STK3: variants seen among roughly 807,000 people sequenced by gnomAD.
STK3 encodes serine/threonine-protein kinase 3.
STK3 carries 41 observed loss-of-function variants against 58.0 expected under a neutral mutation model. That is an observed-to-expected ratio of 0.71 (90% CI 0.55 to 0.92). The LOEUF is 0.92. Ranked by LOEUF, STK3 falls within the 40% of genes least tolerant of loss-of-function variation. The pLI, the probability that STK3 is intolerant of heterozygous loss-of-function variation, is 0.00. For synonymous variants in STK3, 170 were observed against 191.0 expected (o/e 0.89, Z 0.91); for missense variants, 479 against 602.7 (o/e 0.79, Z 2.15).
intron 7 of STK3, among the ~76,000 whole-genome samples, chr8:98,587,978 T>G (rs189053132): frequency 4.7e-4 from 72 of 152,276 alleles, no homozygotes; most frequent in African/African-American, 1.6e-3. Flanking sequence ...CTTGTATTTT[T>G]AGCCTATGTG....
At chr8:98,644,209 G>T (rs1820232182) in intron 6 of STK3, among the ~76,000 whole-genome samples, 2 of 151,988 alleles carry the variant, frequency 1.3e-5, no homozygotes, top group South Asian at 4.2e-4. Context: ...CCTTACTCTG[G>T]CCAAAAATCT....
chr8:98,352,136 C>CAAAA, the STK3 span, among the ~76,000 whole-genome samples: 4 of 110,428 alleles, frequency 3.6e-5, no homozygotes, highest in Non-Finnish European at 5.4e-5. Context: ...GACTCTGTCT[C>CAAAA]AAAAAAAAAA....
chr8:98,548,744 C>A (rs1353431654), intron 8 of STK3, among the ~76,000 whole-genome samples: 1 of 152,064 alleles, frequency 6.6e-6, no homozygotes, highest in African/African-American at 2.4e-5. Context: ...GCCCTGGCAA[C>A]CTCTATTGTA....
At chr8:98,464,876 T>G (rs910034165) in intron 10 of STK3, among the ~76,000 whole-genome samples, 7 of 152,160 alleles carry the variant, frequency 4.6e-5, no homozygotes. Context: ...CAGACATTAT[T>G]TATCCTGTTC....
At chr8:98,847,304 C>T (rs75361023) in intron 3 of STK3, among the ~76,000 whole-genome samples, 4,740 of 152,282 alleles carry the variant, frequency 0.031, 99 homozygotes, top group Middle Eastern at 0.068. Context: ...CCAGTGGCCA[C>T]CATTCTATAG....
At chr8:98,513,513 G>A (rs976356997) in intron 10 of STK3, among the ~76,000 whole-genome samples, 1 of 152,172 alleles carries the variant, frequency 6.6e-6, no homozygotes, top group Non-Finnish European at 1.5e-5. Flanking sequence ...AATTTAGCCT[G>A]CTGAAGTGTT....
At chr8:98,619,185 G>A (rs1818035646) in intron 6 of STK3, among the ~76,000 whole-genome samples, 1 of 150,392 alleles carries the variant, frequency 6.6e-6, no homozygotes, top group Admixed American at 6.6e-5. Context: ...TCTGATCTTT[G>A]ACAAACCTGA....
At chr8:98,625,699 CAG>C (rs551504377) in intron 6 of STK3, among the ~76,000 whole-genome samples, 73 of 152,264 alleles carry the variant, frequency 4.8e-4, no homozygotes, top group Non-Finnish European at 8.5e-4. Context: ...GGCAAAATTT[CAG>C]GCAGAATGGA....
chr8:98,901,154 A>G (rs1838642405), intron 1 of STK3, among the ~76,000 whole-genome samples: 1 of 152,136 alleles, frequency 6.6e-6, no homozygotes, highest in Non-Finnish European at 1.5e-5. Context: ...TAGAATCCTC[A>G]GCTCCACCAC....
At chr8:98,457,782 A>G (rs1819609910) in intron 10 of STK3, among the ~76,000 whole-genome samples, 1 of 152,184 alleles carries the variant, frequency 6.6e-6, no homozygotes, top group Non-Finnish European at 1.5e-5. Flanking sequence ...AAAGCAAACA[A>G]TTATCATTAC....
At chr8:98,352,039 A>AG in the STK3 span, among the ~76,000 whole-genome samples, 2 of 149,664 alleles carry the variant, frequency 1.3e-5, no homozygotes, top group African/African-American at 2.5e-5. Context: ...TGGGAGGCTG[A>AG]GGCAGGAGAA....
At chr8:98,508,297 T>C (rs544414855) in intron 10 of STK3, among the ~76,000 whole-genome samples, 29 of 152,294 alleles carry the variant, frequency 1.9e-4, no homozygotes, top group Non-Finnish European at 4.1e-4. Flanking sequence ...GGCAAATTCC[T>C]AAGTTACAGC....
At chr8:98,443,705 G>A (rs577902096) in intron 1 of STK3, among the ~76,000 whole-genome samples, 44 of 152,072 alleles carry the variant, frequency 2.9e-4, no homozygotes, top group African/African-American at 6.5e-4. Flanking sequence ...AAAATTAGCC[G>A]GGCATGGTGG....
downstream of STK3, among the ~76,000 whole-genome samples, chr8:98,398,627 G>C (rs1483883734): frequency 6.6e-6 from 1 of 152,142 alleles, no homozygotes; most frequent in Non-Finnish European, 1.5e-5. Context: ...CTGAGATGAG[G>C]CATTGAGGAC....
At chr8:98,838,616 A>G (rs1343712471) in intron 3 of STK3, among the ~76,000 whole-genome samples, 2 of 152,196 alleles carry the variant, frequency 1.3e-5, no homozygotes, top group Non-Finnish European at 2.9e-5. Context: ...CATGTGATAC[A>G]TTCAAAGTAA....
intron 1 of STK3, among the ~76,000 whole-genome samples, chr8:98,940,222 C>A (rs1022810958): frequency 2.0e-5 from 3 of 152,222 alleles, no homozygotes; most frequent in African/African-American, 7.2e-5. Flanking sequence ...GCCCGCTCCT[C>A]CCCCGGGACC....
At chr8:98,413,464 T>A (rs1818078170) in intron 3 of STK3, 4 of 592,228 alleles carry the variant, frequency 6.8e-6, no homozygotes, top group Non-Finnish European at 1.3e-5. Context: ...GTTCTGTAAC[T>A]GCTCTGAAGT....
chr8:98,584,296 T>C (rs1452126206), intron 7 of STK3, among the ~76,000 whole-genome samples: 3 of 150,730 alleles, frequency 2.0e-5, no homozygotes, highest in South Asian at 2.1e-4. Flanking sequence ...CCCCTTCCTG[T>C]GTCCATGTGA....
intron 6 of STK3, among the ~76,000 whole-genome samples, chr8:98,611,416 T>C (rs1175114184): frequency 3.3e-5 from 5 of 152,040 alleles, no homozygotes; most frequent in Admixed American, 2.6e-4. Flanking sequence ...CTCAGAAATT[T>C]AGTGTGAAAT....
Sources: gnomAD v4.1 joint callset for allele counts (sites outside exome capture counted in the v4.1 genomes callset) on GRCh38, gnomAD v4.1.1 for gene constraint, MANE v1.5 for transcripts, NCBI Gene and HGNC (gene_info 2026-07-23, HGNC 2026-07-21) for gene names.